Variants in NOS1AP observed in about 807,000 individuals in gnomAD.
The protein encoded by NOS1AP is nitric oxide synthase 1 adaptor protein.
Under a neutral mutation model 56.2 loss-of-function variants are expected in NOS1AP, and 21 were observed. The observed-to-expected ratio is 0.37, with a 90% confidence interval of 0.26 to 0.54. NOS1AP has a LOEUF of 0.54. Among genes scored for constraint, NOS1AP ranks in the 20% least tolerant of loss-of-function variants. The pLI, the probability that NOS1AP is intolerant of heterozygous loss-of-function variation, is 0.84. For synonymous variants in NOS1AP, 270 were observed against 274.6 expected, an observed-to-expected ratio of 0.98 and a Z score of 0.17; for missense variants, 522 against 657.8, an observed-to-expected ratio of 0.79 and a Z score of 2.26.
chr1:162,325,551 T>C (rs111264520), intron 4 of NOS1AP, among the ~76,000 whole-genome samples: 7,072 of 152,128 alleles, frequency 0.046, 532 homozygotes, highest in African/African-American at 0.16. Flanking sequence ...CCCCCCAGAA[T>C]CACATGGGCT....
intron 9 of NOS1AP, 124 bp downstream of exon 9, chr1:162,365,693 C>A: frequency 1.6e-6 from 2 of 1,217,240 alleles, no homozygotes; most frequent in Non-Finnish European, 2.3e-6. Flanking sequence ...CAGCAGAAAA[C>A]ATAGGCAGCT....
chr1:162,222,224 G>T (rs1417437744), intron 2 of NOS1AP, among the ~76,000 whole-genome samples: 1 of 152,208 alleles, frequency 6.6e-6, no homozygotes, highest in African/African-American at 2.4e-5. Context: ...CAGCTTGAAT[G>T]CACATGGTTA....
Position 162,095,873 on chromosome 1 carries a change from T to C in NOS1AP, c.105+25591T>C, listed in dbSNP as rs373164287. Among the ~76,000 whole-genome samples, 5 of 152,346 alleles carry C rather than the reference T, an allele frequency of 3.3e-5. No homozygotes were observed. The East Asian group carries it at 5.8e-4, about 18-fold the overall frequency. On this transcript the variant is annotated intron_variant, in intron 1 of 9. Coordinates refer to ENST00000361897, the MANE Select transcript of NOS1AP (RefSeq NM_014697.3). ...TGGAGATTAAATAACGTGAATAAACTGTAAAGCACCCTTCAAAGACTACTT... is the reference window on the plus strand; with the variant it reads ...TGGAGATTAAATAACGTGAATAAACCGTAAAGCACCCTTCAAAGACTACTT...
At chr1:162,270,822 G>T (rs1485402841) in intron 2 of NOS1AP, among the ~76,000 whole-genome samples, 1 of 152,200 alleles carries the variant, frequency 6.6e-6, no homozygotes, top group Non-Finnish European at 1.5e-5. Context: ...GAGGACTGTA[G>T]CTTCTGTGGG....
chr1:162,071,502 T>C (rs1285517750), intron 1 of NOS1AP, among the ~76,000 whole-genome samples: 2 of 152,166 alleles, frequency 1.3e-5, no homozygotes, highest in East Asian at 3.8e-4. Flanking sequence ...GAAGCTCACC[T>C]TTTTTTCCCC....
At chr1:162,191,694 G>A (rs559837361) in intron 2 of NOS1AP, among the ~76,000 whole-genome samples, 2 of 151,910 alleles carry the variant, frequency 1.3e-5, no homozygotes, top group South Asian at 2.1e-4. Flanking sequence ...AAGGCCTGGG[G>A]GTAAGAGAGA....
intron 4 of NOS1AP, among the ~76,000 whole-genome samples, chr1:162,307,120 A>G (rs887953698): frequency 6.6e-6 from 1 of 152,094 alleles, no homozygotes; most frequent in African/African-American, 2.4e-5. Context: ...TCTGGCTTCA[A>G]GGGCATGCTT....
chr1:162,224,684 A>T (rs1426859618), intron 2 of NOS1AP, among the ~76,000 whole-genome samples: 1 of 152,192 alleles, frequency 6.6e-6, no homozygotes, highest in Non-Finnish European at 1.5e-5. Context: ...AATGCTACAG[A>T]CTCATCCCCT....
At chr1:162,309,011 T>G (rs1349381847) in intron 4 of NOS1AP, among the ~76,000 whole-genome samples, 1 of 152,232 alleles carries the variant, frequency 6.6e-6, no homozygotes, top group Non-Finnish European at 1.5e-5. Context: ...ACCTCTGTGC[T>G]CAGTGCTATC....
chr1:162,292,245 C>T (rs1032530350), intron 3 of NOS1AP, among the ~76,000 whole-genome samples: 1 of 152,226 alleles, frequency 6.6e-6, no homozygotes, highest in East Asian at 1.9e-4. Context: ...AGTTATTTAT[C>T]TCTTTCCCCC....
At chr1:162,197,931 C>T (rs1019208698) in intron 2 of NOS1AP, among the ~76,000 whole-genome samples, 15 of 152,236 alleles carry the variant, frequency 9.9e-5, no homozygotes, top group Non-Finnish European at 1.3e-4. Context: ...GAGAGCTTTG[C>T]AGCACATGCA....
chr1:162,079,990 C>T (rs1057382314), intron 1 of NOS1AP, among the ~76,000 whole-genome samples: 2 of 152,268 alleles, frequency 1.3e-5, no homozygotes, highest in Admixed American at 6.5e-5. Flanking sequence ...ACATTTGTTC[C>T]AGCCCTTTAA....
chr1:162,117,707 A>T (rs1168778861), intron 1 of NOS1AP, among the ~76,000 whole-genome samples: 1 of 152,230 alleles, frequency 6.6e-6, no homozygotes. Context: ...GGCTGTAGCT[A>T]AAGTGCCTTT....
intron 2 of NOS1AP, among the ~76,000 whole-genome samples, chr1:162,266,662 G>A (rs1289363122): frequency 6.6e-6 from 1 of 152,176 alleles, no homozygotes; most frequent in Non-Finnish European, 1.5e-5. Context: ...ATTGTTGAAA[G>A]CTTTGCCCAA....
At chr1:162,297,709 GA>G (rs904694955) in intron 3 of NOS1AP, among the ~76,000 whole-genome samples, 4 of 150,558 alleles carry the variant, frequency 2.7e-5, no homozygotes, top group South Asian at 2.1e-4. Flanking sequence ...AGTTTAAAAA[GA>G]AAAAAAAACA....
At chr1:162,248,918 AC>A (rs536325243) in intron 2 of NOS1AP, among the ~76,000 whole-genome samples, 28 of 150,198 alleles carry the variant, frequency 1.9e-4, no homozygotes, top group East Asian at 5.9e-4. Flanking sequence ...AAACCACAGC[AC>A]CCCCCCCTTT....
chr1:162,330,819 A>T (rs984789647), intron 4 of NOS1AP, among the ~76,000 whole-genome samples: 2 of 152,308 alleles, frequency 1.3e-5, no homozygotes, highest in African/African-American at 4.8e-5. Flanking sequence ...GATGATCAAT[A>T]GCTTGGAGTT....
chr1:162,275,607 A>G (rs1654707982), intron 2 of NOS1AP, among the ~76,000 whole-genome samples: 1 of 152,148 alleles, frequency 6.6e-6, no homozygotes, highest in African/African-American at 2.4e-5. Flanking sequence ...GATTTCCATC[A>G]TAGTTGGAGG....
At chr1:162,071,197 C>T (rs1332080523) in intron 1 of NOS1AP, among the ~76,000 whole-genome samples, 1 of 152,118 alleles carries the variant, frequency 6.6e-6, no homozygotes, top group African/African-American at 2.4e-5. Context: ...GTAGAGAGAC[C>T]CAGGGACTTT....
Sources: allele counts gnomAD v4.1 joint callset (sites outside exome capture counted in the v4.1 genomes callset), GRCh38; gene constraint gnomAD v4.1.1; transcripts MANE v1.5; gene names NCBI Gene and HGNC (gene_info 2026-07-23, HGNC 2026-07-21).